The following TRIM44 variants were observed in gnomAD, a reference collection of about 807,000 sequenced individuals.
TRIM44 encodes the protein tripartite motif containing 44, also known as tripartite motif-containing protein 44.
A neutral mutation model predicts 37.4 loss-of-function variants in TRIM44; 13 were observed. The observed-to-expected ratio is 0.35, with a 90% CI of 0.23 to 0.55. TRIM44 has a LOEUF of 0.55. TRIM44 is among the 20% of genes least tolerant of loss of function. The pLI is 0.89. For synonymous variants in TRIM44, 175 were observed against 157.2 expected, an observed-to-expected ratio of 1.11 and a Z score of -0.85; for missense variants, 426 against 437.2, an observed-to-expected ratio of 0.97 and a Z score of 0.23.
intron 1 of TRIM44, among the ~76,000 whole-genome samples, chr11:35,664,152 T>C (rs1302678441): frequency 6.6e-6 from 1 of 152,190 alleles, no homozygotes; most frequent in Non-Finnish European, 1.5e-5. Flanking sequence ...GGCAATCTTT[T>C]TGCCTACTTG....
At chr11:35,759,792 C>A (rs186527571) in intron 4 of TRIM44, among the ~76,000 whole-genome samples, 2 of 152,188 alleles carry the variant, frequency 1.3e-5, no homozygotes, top group African/African-American at 4.8e-5. Context: ...GTATCAGCAG[C>A]GGAGCCTGCA....
intron 4 of TRIM44, among the ~76,000 whole-genome samples, chr11:35,777,291 T>G (rs149224764): frequency 0.057 from 8,693 of 152,258 alleles, 821 homozygotes; most frequent in African/African-American, 0.2. Context: ...TGCTTTTTTT[T>G]GTTTTCCGTT....
intron 4 of TRIM44, among the ~76,000 whole-genome samples, chr11:35,785,254 G>A (rs972597724): frequency 1.3e-4 from 20 of 152,196 alleles, no homozygotes; most frequent in Non-Finnish European, 2.1e-4. Flanking sequence ...AACAGCAAGC[G>A]GCAAAAACCT....
intron 4 of TRIM44, among the ~76,000 whole-genome samples, chr11:35,754,063 AAAAG>A (rs1347789757): frequency 6.7e-6 from 1 of 150,246 alleles, no homozygotes; most frequent in Non-Finnish European, 1.5e-5. Flanking sequence ...AAAAAAGAAA[AAAAG>A]AAATTTATTG....
chr11:35,691,259 A>G (rs1851633478), intron 2 of TRIM44, among the ~76,000 whole-genome samples: 2 of 152,236 alleles, frequency 1.3e-5, no homozygotes. Flanking sequence ...TGCTCTAGGA[A>G]GAAGTAAATG....
rs1230340871 is a variant in TRIM44 at position 35,817,324 on chromosome 11, C to T, written c.*10939C>T. The T allele has an allele frequency of 6.6e-6, 1 of 152,210 alleles. No homozygotes were observed. Among genetic ancestry groups the T allele is most frequent in the Admixed American group, 6.5e-5 (1 of 15,284 alleles). The allele number at this position is 152,210 out of a possible 1,614,324, so 9.4% of individuals were successfully genotyped here. The stretch of plus-strand genomic sequence containing the variant: ...TTGAGAAGCCTCACTCCCATCCCTG[C>T]TCTGCCACTGACAAGTTGTGTGGCA... On this transcript the variant is annotated 3_prime_UTR_variant, in exon 5 of 5. Transcript: ENST00000299413.
intron 4 of TRIM44, among the ~76,000 whole-genome samples, chr11:35,773,641 G>A (rs1477954281): frequency 6.6e-6 from 1 of 151,894 alleles, no homozygotes; most frequent in African/African-American, 2.4e-5. Flanking sequence ...CCCACAACAG[G>A]CCCCGGTGTG....
At chr11:35,704,618 A>T (rs1851847278) in intron 2 of TRIM44, among the ~76,000 whole-genome samples, 1 of 152,206 alleles carries the variant, frequency 6.6e-6, no homozygotes, top group African/African-American at 2.4e-5. Flanking sequence ...AACATTCTTA[A>T]AGAAAAGAAT....
chr11:35,721,172 G>A lies in TRIM44; in HGVS notation c.748-4752G>A, dbSNP rs557065087. Among the ~76,000 whole-genome samples, 7 of 152,024 alleles carry A rather than the reference G, an allele frequency of 4.6e-5. No individual in the cohort carries two copies. The South Asian group carries it at 8.3e-4, about 18-fold the overall frequency. On this transcript the variant is annotated intron_variant, in intron 2 of 4. Transcript: ENST00000299413. ...ACCCACGTCAACCTCCCAAAGTGCC[G>A]GTATTACAGGCATGAGCCACCACAC...
chr11:35,739,758 G>C (rs1363265846), intron 4 of TRIM44, among the ~76,000 whole-genome samples: 2 of 152,078 alleles, frequency 1.3e-5, no homozygotes, highest in African/African-American at 4.8e-5. Flanking sequence ...CAGTCATATA[G>C]CTGGCAAGAA....
intron 1 of TRIM44, among the ~76,000 whole-genome samples, chr11:35,674,658 AATG>A (rs1851439888): frequency 6.6e-6 from 1 of 152,188 alleles, no homozygotes; most frequent in South Asian, 2.1e-4. Context: ...CATTTTAGAG[AATG>A]ATATTTTATT....
At chr11:35,684,038 A>G (rs1203434934) in intron 1 of TRIM44, among the ~76,000 whole-genome samples, 1 of 152,144 alleles carries the variant, frequency 6.6e-6, no homozygotes, top group African/African-American at 2.4e-5. Context: ...TATTGGCTCT[A>G]TTTTACAGAT....
At chr11:35,665,586 G>GTTTTTTTTTTTTTTTTTTTTTTTTT (rs35522287) in intron 1 of TRIM44, among the ~76,000 whole-genome samples, 1 of 71,518 alleles carries the variant, frequency 1.4e-5, no homozygotes. Context: ...TTATATATCT[G>GTTTTTTTTTTTTTTTTTTTTTTTTT]TTTTTTTTTT....
In TRIM44 at chr11:35,808,248, G is replaced by A. The variant is rs185728796; in HGVS notation, c.*1863G>A. 22 of 142,086 alleles carry A rather than the reference G, an allele frequency of 1.5e-4. No individual in the cohort carries two copies. In the East Asian group the frequency reaches 4.0e-3, roughly 26 times the overall value. The allele number at this position is 142,086 out of a possible 1,614,324, so 8.8% of individuals were successfully genotyped here. On this transcript the variant is annotated 3_prime_UTR_variant, in exon 5 of 5. Coordinates refer to ENST00000299413, the MANE Select transcript of TRIM44 (RefSeq NM_017583.6). ...AAAGCATTTTTCTCTCAAACTGATG[G>A]CCAAGAAATGGCTAGGACAATTTTG... is the stretch of plus-strand genomic sequence containing the variant.
chr11:35,764,731 T>C (rs919775253), intron 4 of TRIM44, among the ~76,000 whole-genome samples: 19 of 152,178 alleles, frequency 1.2e-4, no homozygotes, highest in African/African-American at 4.6e-4. Flanking sequence ...GGAAGTAGTT[T>C]ACAAAGCTGA....
intron 4 of TRIM44, among the ~76,000 whole-genome samples, chr11:35,756,216 T>C (rs1852636442): frequency 6.6e-6 from 1 of 152,184 alleles, no homozygotes; most frequent in African/African-American, 2.4e-5. Flanking sequence ...GAAGAGGTCC[T>C]TCACATCCCT....
At chr11:35,803,866 A>G (rs1310489451) in intron 4 of TRIM44, among the ~76,000 whole-genome samples, 1 of 152,190 alleles carries the variant, frequency 6.6e-6, no homozygotes, top group Non-Finnish European at 1.5e-5. Context: ...GAGAGACGAC[A>G]TACAAGCTGA....
chr11:35,759,109 C>G (rs937248787), intron 4 of TRIM44, among the ~76,000 whole-genome samples: 1 of 152,166 alleles, frequency 6.6e-6, no homozygotes, highest in African/African-American at 2.4e-5. Flanking sequence ...CAACTTGGTT[C>G]CATTCTCCCC....
At chr11:35,701,322 G>A (rs1851785411) in intron 2 of TRIM44, among the ~76,000 whole-genome samples, 1 of 151,980 alleles carries the variant, frequency 6.6e-6, no homozygotes, top group South Asian at 2.1e-4. Flanking sequence ...GTCCCAGGCT[G>A]TTAGAGCTTG....
Sources: allele counts gnomAD v4.1 joint callset (sites outside exome capture counted in the v4.1 genomes callset), GRCh38; gene constraint gnomAD v4.1.1; transcripts MANE v1.5; gene names NCBI Gene and HGNC (gene_info 2026-07-23, HGNC 2026-07-21).